Variants in ARHGAP21 observed in about 807,000 individuals in gnomAD.
ARHGAP21 encodes Rho GTPase activating protein 21, also known as rho GTPase-activating protein 21.
Under a neutral mutation model 164.6 loss-of-function variants are expected in ARHGAP21, and 38 were observed. The observed-to-expected ratio is 0.23, with a 90% CI of 0.18 to 0.30. The LOEUF (loss-of-function observed/expected upper bound fraction) is 0.30, where lower values mean the gene tolerates loss of function less well. Among genes scored for constraint, ARHGAP21 ranks in the 10% least tolerant of loss-of-function variants. The pLI is 1.00. For synonymous variants in ARHGAP21, 766 were observed against 857.9 expected (o/e 0.89, Z 1.87); for missense variants, 1,822 against 2,370.7 (o/e 0.77, Z 4.81).
rs187182312 is a variant in ARHGAP21 at position 24,616,385 on chromosome 10, C to G, written c.2422+3088G>C. On this transcript the variant is annotated intron_variant, in intron 9 of 25. Transcript: ENST00000396432. Reference sequence around the variant, plus strand: ...AGCCCAGAGCTCCCAAAGGGAGAAACTGGGTATAGGGAATGGTCACCTCTT... The same window carrying G: ...AGCCCAGAGCTCCCAAAGGGAGAAAGTGGGTATAGGGAATGGTCACCTCTT... Among the ~76,000 whole-genome samples the G allele has an allele frequency of 4.9e-3, 750 of 152,308 alleles. 1 individual carries two copies. Among genetic ancestry groups the G allele is most frequent in the Non-Finnish European group, 8.2e-3 (556 of 68,028 alleles).
At chr10:24,609,537 ATG>A in intron 9 of ARHGAP21, among the ~76,000 whole-genome samples, 1 of 152,322 alleles carries the variant, frequency 6.6e-6, no homozygotes, top group South Asian at 2.1e-4. Flanking sequence ...TTTTACTGGT[ATG>A]TTAAAAGGAG....
chr10:24,585,027 G>A lies in ARHGAP21; in HGVS notation c.5262C>T (p.Ser1754=), dbSNP rs749514952. 62 of 1,613,682 alleles carry A rather than the reference G, an allele frequency of 3.8e-5. No homozygotes were observed. The highest frequency in any genetic ancestry group is 1.6e-4 in the Middle Eastern group (1 of 6,078). The part of the protein sequence containing the change: ...GSLLTPTRGE[S]EKQEPTWKTK... ...TTTTCCATGTGGGTTCCTGTTTTTCGGATTCGCCTCTGGTGGGTGTCAGTA... is the reference window on the plus strand; with the variant it reads ...TTTTCCATGTGGGTTCCTGTTTTTCAGATTCGCCTCTGGTGGGTGTCAGTA... Residue 1754 remains serine, a synonymous_variant, in exon 26 of 26, where the codon TCC becomes TCT. Transcript: ENST00000396432.
chr10:24,714,245 T>G (rs1593381376), intron 2 of ARHGAP21: 3 of 152,270 alleles, frequency 2.0e-5, no homozygotes, highest in South Asian at 2.1e-4. Flanking sequence ...TTAACTATAA[T>G]AAGAAGACAG....
intron 2 of ARHGAP21, among the ~76,000 whole-genome samples, chr10:24,684,345 C>A (rs1218612960): frequency 6.6e-6 from 1 of 152,032 alleles, no homozygotes; most frequent in African/African-American, 2.4e-5. Context: ...ATAAAACACT[C>A]TTCAAACACT....
At chr10:24,588,637 A>G (rs772403181) in intron 25 of ARHGAP21, among the ~76,000 whole-genome samples, 1 of 152,230 alleles carries the variant, frequency 6.6e-6, no homozygotes, top group Non-Finnish European at 1.5e-5. Context: ...TACTGCCTCA[A>G]CAGTGCAAAA....
chr10:24,650,653 C>T (rs946300120), intron 4 of ARHGAP21, among the ~76,000 whole-genome samples: 1 of 152,108 alleles, frequency 6.6e-6, no homozygotes, highest in Non-Finnish European at 1.5e-5. Context: ...TAATTAATTA[C>T]ATTAAATACA....
chr10:24,688,552 T>C (rs1200194743), intron 2 of ARHGAP21, among the ~76,000 whole-genome samples: 6 of 152,146 alleles, frequency 3.9e-5, no homozygotes, highest in Non-Finnish European at 8.8e-5. Flanking sequence ...AGAGTACTGC[T>C]CCAATAGGCC....
At chr10:24,720,913 A>C (rs547210007) in intron 2 of ARHGAP21, among the ~76,000 whole-genome samples, 91 of 152,334 alleles carry the variant, frequency 6.0e-4, no homozygotes, top group Non-Finnish European at 1.2e-3. Flanking sequence ...TTTAAAGAAC[A>C]AATTACAGGA....
intron 2 of ARHGAP21, among the ~76,000 whole-genome samples, chr10:24,707,108 G>A (rs2132188922): frequency 6.6e-6 from 1 of 152,216 alleles, no homozygotes; most frequent in East Asian, 1.9e-4. Flanking sequence ...CTCTCATCCT[G>A]GGTACCACAG....
chr10:24,631,384 A>C (rs1835842590), intron 6 of ARHGAP21, among the ~76,000 whole-genome samples: 1 of 143,524 alleles, frequency 7.0e-6, no homozygotes, highest in African/African-American at 2.6e-5. Context: ...ATAATAAAAT[A>C]AAATAAAATA....
At chr10:24,714,804 G>C (rs1442225397) in intron 2 of ARHGAP21, among the ~76,000 whole-genome samples, 1 of 152,128 alleles carries the variant, frequency 6.6e-6, no homozygotes, top group Non-Finnish European at 1.5e-5. Context: ...GGAGGCCACA[G>C]TAGGCAGATC....
At chr10:24,634,924 A>C in intron 5 of ARHGAP21, 87 bp downstream of exon 5, 1 of 1,064,786 alleles carries the variant, frequency 9.4e-7, no homozygotes, top group Non-Finnish European at 1.3e-6. Context: ...AGAAAGATAC[A>C]AAAGGAAAAA....
In ARHGAP21 at chr10:24,670,353, T is replaced by C; in HGVS notation, c.108A>G (p.Ser36=). 1.2e-6 allele frequency: 2 copies of C among 1,603,614 alleles called. No homozygotes were observed. The highest frequency in any genetic ancestry group is 1.7e-6 in the Non-Finnish European group (2 of 1,174,482). ...KDGKEQSETV[S]LSEDETFSWP... The stretch of plus-strand genomic sequence containing the variant: ...AGGAGAATGTTTCATCTTCAGACAG[T>C]GATACAGTTTCACTTTGTTCTTTTC... The change falls in exon 3 of 26, where the codon TCA becomes TCG. Residue 36 remains serine (S), a synonymous_variant. Coordinates refer to ENST00000396432, the MANE Select transcript of ARHGAP21 (RefSeq NM_020824.4).
intron 4 of ARHGAP21, among the ~76,000 whole-genome samples, chr10:24,652,917 C>T (rs1469940184): frequency 6.6e-6 from 1 of 152,102 alleles, no homozygotes; most frequent in East Asian, 1.9e-4. Flanking sequence ...GATATACATA[C>T]CCTCTAGAAA....
chr10:24,587,797 A>G (rs1247995171), intron 25 of ARHGAP21, among the ~76,000 whole-genome samples: 1 of 152,266 alleles, frequency 6.6e-6, no homozygotes, highest in East Asian at 1.9e-4. Flanking sequence ...TCTCTTTACA[A>G]TTCTATGATC....
Position 24,584,478 on chromosome 10 carries a change from C to G in ARHGAP21, c.5811G>C (p.Ala1937=), listed in dbSNP as rs149523019. ...CAGACAGTTTATGAGGTTGGGCATT[C>G]GCTGCAGAACTAGCATTTTTGCTCA... The part of the protein sequence containing the change: ...QNVSKNASSA[A]NAQPHKLSET... The change falls in exon 26 of 26, where the codon GCG becomes GCC. Residue 1937 remains alanine, a synonymous_variant. Coordinates refer to ENST00000396432, the MANE Select transcript of ARHGAP21 (RefSeq NM_020824.4). 17 of 1,613,834 alleles carry G rather than the reference C, an allele frequency of 1.1e-5. No individual in the cohort carries two copies. In the Admixed American group the frequency reaches 2.0e-4, roughly 19 times the overall value.
intron 11 of ARHGAP21, among the ~76,000 whole-genome samples, chr10:24,606,846 A>C (rs1466187956): frequency 6.6e-6 from 1 of 152,198 alleles, no homozygotes; most frequent in Non-Finnish European, 1.5e-5. Context: ...CTCAAAAATA[A>C]ATAAATTTTT....
Position 24,591,986 on chromosome 10 carries a change from C to G in ARHGAP21, c.3903G>C (p.Val1301=). Residue 1301 remains valine, a synonymous_variant, in exon 22 of 26, where the codon GTG becomes GTC. Transcript: ENST00000396432. Reference sequence around the variant, plus strand: ...ATGTTCGAACAAGGGTGGGACCAAACACTATTGCTAGGTTTCTTGGTTCCA... The same window carrying G: ...ATGTTCGAACAAGGGTGGGACCAAAGACTATTGCTAGGTTTCTTGGTTCCA... ...NKMEPRNLAI[V]FGPTLVRTSE... is the part of the protein sequence containing the mutation. 6.2e-7 allele frequency: 1 copy of G among 1,610,608 alleles called. No homozygotes were observed. The highest frequency in any genetic ancestry group is 8.5e-7 in the Non-Finnish European group (1 of 1,178,924).
chr10:24,642,310 T>C (rs1837126320), intron 4 of ARHGAP21, among the ~76,000 whole-genome samples: 1 of 151,658 alleles, frequency 6.6e-6, no homozygotes, highest in Non-Finnish European at 1.5e-5. Flanking sequence ...GGTCAGGAGA[T>C]CGAGACCATC....
Sources: allele counts gnomAD v4.1 joint callset (sites outside exome capture counted in the v4.1 genomes callset), GRCh38; gene constraint gnomAD v4.1.1; transcripts MANE v1.5; gene names NCBI Gene and HGNC (gene_info 2026-07-23, HGNC 2026-07-21).